Variants in PHACTR3 observed in about 807,000 individuals in gnomAD.
PHACTR3 encodes the protein phosphatase and actin regulator 3.
PHACTR3 carries 16 observed loss-of-function variants against 66.8 expected under a neutral mutation model. That is an observed-to-expected ratio of 0.24 (90% CI 0.16 to 0.36). The LOEUF (loss-of-function observed/expected upper bound fraction) is 0.36, where lower values mean the gene tolerates loss of function less well. Among genes scored for constraint, PHACTR3 ranks in the 10% least tolerant of loss-of-function variants. PHACTR3 has a pLI of 1.00. For synonymous variants in PHACTR3, 323 were observed against 292.1 expected (o/e 1.11, Z -1.08); for missense variants, 647 against 719.9 (o/e 0.90, Z 1.16).
intron 7 of PHACTR3, among the ~76,000 whole-genome samples, chr20:59,788,816 A>G (rs2148809): frequency 0.084 from 12,801 of 152,102 alleles, 1,253 homozygotes; most frequent in African/African-American, 0.23. Context: ...TGTCATCTCC[A>G]TGTTTCCACA....
At chr20:59,746,054 C>T (rs1455223970) in intron 2 of PHACTR3, among the ~76,000 whole-genome samples, 1 of 152,222 alleles carries the variant, frequency 6.6e-6, no homozygotes, top group Admixed American at 6.5e-5. Flanking sequence ...TTGCTGACAC[C>T]TCCCAAGGTC....
intron 1 of PHACTR3, among the ~76,000 whole-genome samples, chr20:59,718,511 G>C (rs1375978523): frequency 6.6e-6 from 1 of 151,870 alleles, no homozygotes; most frequent in East Asian, 1.9e-4. Flanking sequence ...CCTGGAATTA[G>C]AGGAAAGAGA....
At chr20:59,707,307 G>T (rs2037741513) in intron 1 of PHACTR3, among the ~76,000 whole-genome samples, 2 of 152,152 alleles carry the variant, frequency 1.3e-5, no homozygotes, top group African/African-American at 4.8e-5. Context: ...TTGGAAGTTT[G>T]TCCGCTCTAA....
At chr20:59,607,603 C>T (rs1371181326) in intron 1 of PHACTR3, among the ~76,000 whole-genome samples, 2 of 152,210 alleles carry the variant, frequency 1.3e-5, no homozygotes, top group Non-Finnish European at 2.9e-5. Context: ...TGTTTTGACA[C>T]CTCTTTCTCC....
intron 7 of PHACTR3, among the ~76,000 whole-genome samples, chr20:59,804,647 C>T (rs965354048): frequency 6.6e-6 from 1 of 152,220 alleles, no homozygotes; most frequent in African/African-American, 2.4e-5. Context: ...TACAAGACTG[C>T]AGTCATTTAT....
At chr20:59,580,764 C>CCTCTGTT (rs2032834323) in intron 1 of PHACTR3, among the ~76,000 whole-genome samples, 1 of 152,158 alleles carries the variant, frequency 6.6e-6, no homozygotes, top group Non-Finnish European at 1.5e-5. Context: ...ACTCTGAAGA[C>CCTCTGTT]CCAGATTGGG....
intron 1 of PHACTR3, among the ~76,000 whole-genome samples, chr20:59,667,879 C>T (rs2036046756): frequency 6.6e-6 from 1 of 152,244 alleles, no homozygotes; most frequent in African/African-American, 2.4e-5. Context: ...CGAGTTAAAA[C>T]CTCCTACTTA....
At chr20:59,623,530 T>A (rs1217358518) in intron 1 of PHACTR3, among the ~76,000 whole-genome samples, 1 of 152,218 alleles carries the variant, frequency 6.6e-6, no homozygotes, top group Non-Finnish European at 1.5e-5. Context: ...TCTCAGGAAA[T>A]TTCTATGCAT....
At chr20:59,657,057 G>A (rs182304988) in intron 1 of PHACTR3, among the ~76,000 whole-genome samples, 3 of 152,056 alleles carry the variant, frequency 2.0e-5, no homozygotes, top group South Asian at 4.1e-4. Context: ...AAAATAAAGA[G>A]CAAGTGCTCA....
At chr20:59,739,801 C>T (rs1248490468) in intron 1 of PHACTR3, among the ~76,000 whole-genome samples, 3 of 151,998 alleles carry the variant, frequency 2.0e-5, no homozygotes, top group South Asian at 4.2e-4. Context: ...CTAGGGTGGG[C>T]CTGGTTTATC....
intron 1 of PHACTR3, among the ~76,000 whole-genome samples, chr20:59,725,488 A>C (rs1312481883): frequency 6.6e-6 from 1 of 152,182 alleles, no homozygotes; most frequent in African/African-American, 2.4e-5. Flanking sequence ...CTCAGTGAGG[A>C]CAGACACCAC....
chr20:59,841,563 G>C, intron 11 of PHACTR3, 28 bp downstream of exon 11: 1 of 1,596,674 alleles, frequency 6.3e-7, no homozygotes, highest in Non-Finnish European at 8.5e-7. Flanking sequence ...CTGGTGGGGG[G>C]TGTTGGATGA....
intron 1 of PHACTR3, among the ~76,000 whole-genome samples, chr20:59,679,351 G>A (rs902118883): frequency 2.0e-5 from 3 of 152,152 alleles, no homozygotes; most frequent in Non-Finnish European, 4.4e-5. Context: ...TGAAGTGCGT[G>A]TACATGCACA....
intron 8 of PHACTR3, among the ~76,000 whole-genome samples, chr20:59,816,115 C>T (rs986165304): frequency 8.5e-5 from 13 of 152,078 alleles, no homozygotes; most frequent in African/African-American, 2.9e-4. Context: ...TTTCCTGCAA[C>T]TAGATGGTCC....
At chr20:59,607,865 A>G (rs889795425) in intron 1 of PHACTR3, among the ~76,000 whole-genome samples, 2 of 152,194 alleles carry the variant, frequency 1.3e-5, no homozygotes, top group Non-Finnish European at 1.5e-5. Context: ...GGATATTTGT[A>G]TTGTTTCCAG....
In PHACTR3 at chr20:59,705,495, C is replaced by G. The variant is rs560214359; in HGVS notation, c.119-37612C>G. Among the ~76,000 whole-genome samples, 7 of 152,242 alleles carry G rather than the reference C, an allele frequency of 4.6e-5. No individual in the cohort carries two copies. In the East Asian group the frequency reaches 1.3e-3, roughly 29 times the overall value. On this transcript the variant is annotated intron_variant, in intron 1 of 12. Coordinates refer to ENST00000371015, the MANE Select transcript of PHACTR3 (RefSeq NM_080672.5). ...CCTTAAAAGAGTGATTCATCTTACT[C>G]TCTTAGTATTTATCTTATTACTTAT...
chr20:59,625,275 C>G (rs530814607), intron 1 of PHACTR3, among the ~76,000 whole-genome samples: 2 of 151,920 alleles, frequency 1.3e-5, no homozygotes, highest in Non-Finnish European at 2.9e-5. Context: ...AGGCCCCATT[C>G]CTGTTAGAGA....
chr20:59,685,751 C>A (rs1357811794), intron 1 of PHACTR3, among the ~76,000 whole-genome samples: 2 of 152,242 alleles, frequency 1.3e-5, no homozygotes, highest in East Asian at 3.9e-4. Flanking sequence ...TTGAATGTCA[C>A]TTGCTGAGAG....
intron 1 of PHACTR3, among the ~76,000 whole-genome samples, chr20:59,726,846 C>G (rs2038581768): frequency 6.6e-6 from 1 of 152,096 alleles, no homozygotes; most frequent in Non-Finnish European, 1.5e-5. Flanking sequence ...TGTGGGAGTT[C>G]TTTTGATATT....
Sources: allele counts gnomAD v4.1 joint callset (sites outside exome capture counted in the v4.1 genomes callset), GRCh38; gene constraint gnomAD v4.1.1; transcripts MANE v1.5; gene names NCBI Gene and HGNC (gene_info 2026-07-23, HGNC 2026-07-21).